The following CEP112 variants were observed in gnomAD, a reference collection of about 807,000 sequenced individuals.
CEP112 encodes the protein centrosomal protein of 112 kDa.
In CEP112, 127 loss-of-function variants were observed where a neutral mutation model predicts 153.0. The observed-to-expected ratio is 0.83, with a 90% confidence interval of 0.72 to 0.96. The LOEUF is 0.96. Ranked by LOEUF, CEP112 falls within the 40% of genes least tolerant of loss-of-function variation. CEP112 has a pLI of 0.00. For missense variants in CEP112, 1,089 were observed against 1,101.2 expected (o/e 0.99, Z 0.16); for synonymous variants, 358 against 374.4 (o/e 0.96, Z 0.51).
chr17:65,711,898 G>A (rs749907939), intron 23 of CEP112, among the ~76,000 whole-genome samples: 4 of 152,256 alleles, frequency 2.6e-5, no homozygotes, highest in South Asian at 2.1e-4. Flanking sequence ...TAACTCCCCC[G>A]ACACTTTGCC....
intron 23 of CEP112, among the ~76,000 whole-genome samples, chr17:65,701,689 C>T (rs939961840): frequency 6.6e-6 from 1 of 152,012 alleles, no homozygotes; most frequent in African/African-American, 2.4e-5. Context: ...GTGGCCTTAC[C>T]ATCATCTCAA....
intron 18 of CEP112, among the ~76,000 whole-genome samples, chr17:65,948,757 G>A (rs1301687858): frequency 6.6e-6 from 1 of 152,092 alleles, no homozygotes; most frequent in African/African-American, 2.4e-5. Context: ...CAAAGCGAAA[G>A]AAAGAGTGTG....
chr17:65,810,277 C>G (rs571323646), intron 21 of CEP112, among the ~76,000 whole-genome samples: 3 of 151,874 alleles, frequency 2.0e-5, no homozygotes, highest in African/African-American at 7.3e-5. Flanking sequence ...ATATATACCC[C>G]CCTCCCTATT....
chr17:65,907,808 C>A (rs1308354488), intron 19 of CEP112, among the ~76,000 whole-genome samples: 1 of 152,202 alleles, frequency 6.6e-6, no homozygotes, highest in Non-Finnish European at 1.5e-5. Flanking sequence ...ATCATCTGGA[C>A]TTTCCATTTG....
At chr17:65,777,913 C>T (rs1004653280) in intron 21 of CEP112, among the ~76,000 whole-genome samples, 1 of 152,172 alleles carries the variant, frequency 6.6e-6, no homozygotes, top group Non-Finnish European at 1.5e-5. Context: ...AAAACCATTA[C>T]TTTTTCTTCA....
At position 65,984,466 on chromosome 17, in the gene CEP112, A is replaced by G. The variant is rs145281128; in HGVS notation, c.1736+21224T>C. ...CAGGCCAAACTAAATATATATGCAG[A>G]TGACTCAACCTGCAGCCCAGGAATT... On this transcript the variant is annotated intron_variant, in intron 17 of 26. Transcript: ENST00000535342. Among the ~76,000 whole-genome samples, 866 of 152,346 alleles carry G rather than the reference A, an allele frequency of 5.7e-3. 4 individuals are homozygous for G. The highest frequency in any genetic ancestry group is 0.02 in the African/African-American group (814 of 41,580).
chr17:65,917,462 C>T (rs1299834699), intron 19 of CEP112, among the ~76,000 whole-genome samples: 1 of 145,230 alleles, frequency 6.9e-6, no homozygotes, highest in African/African-American at 2.5e-5. Flanking sequence ...GGTCATTTAC[C>T]ACATTACCTC....
chr17:66,103,360 G>C (rs978147612), intron 6 of CEP112, among the ~76,000 whole-genome samples: 6 of 151,842 alleles, frequency 4.0e-5, no homozygotes, highest in Non-Finnish European at 7.4e-5. Context: ...AAAAAGATAA[G>C]AAAAGGAAAA....
intron 21 of CEP112, among the ~76,000 whole-genome samples, chr17:65,848,280 C>T (rs912921921): frequency 2.0e-5 from 3 of 152,178 alleles, no homozygotes; most frequent in African/African-American, 7.2e-5. Flanking sequence ...TGTTTCTGGG[C>T]ACACAATCAT....
intron 19 of CEP112, among the ~76,000 whole-genome samples, chr17:65,905,876 C>T (rs548654273): frequency 6.6e-6 from 1 of 151,684 alleles, no homozygotes; most frequent in African/African-American, 2.4e-5. Context: ...ACCCGGGGGG[C>T]GGAGCTTGCA....
intron 4 of CEP112, among the ~76,000 whole-genome samples, chr17:66,152,787 T>G (rs748736723): frequency 6.6e-6 from 1 of 152,176 alleles, no homozygotes; most frequent in East Asian, 1.9e-4. Flanking sequence ...AGAATTGTTA[T>G]GAACTAGTGA....
chr17:65,943,782 C>A (rs141955796), intron 18 of CEP112, among the ~76,000 whole-genome samples: 2 of 152,138 alleles, frequency 1.3e-5, no homozygotes, highest in African/African-American at 2.4e-5. Context: ...GTAAGTTCTC[C>A]CGGATGATAT....
intron 4 of CEP112, among the ~76,000 whole-genome samples, chr17:66,174,515 T>C (rs544598786): frequency 6.6e-5 from 10 of 152,304 alleles, no homozygotes; most frequent in African/African-American, 2.2e-4. Flanking sequence ...AACAGAAAAG[T>C]AAAAATTTGA....
intron 24 of CEP112, among the ~76,000 whole-genome samples, chr17:65,642,518 CT>C (rs1366253717): frequency 2.0e-5 from 3 of 152,170 alleles, no homozygotes; most frequent in South Asian, 2.1e-4. Context: ...TGGCAAAGTG[CT>C]TTTTTTGGGA....
intron 6 of CEP112, among the ~76,000 whole-genome samples, chr17:66,099,575 A>G (rs1343806043): frequency 6.6e-6 from 1 of 152,022 alleles, no homozygotes; most frequent in East Asian, 1.9e-4. Context: ...CCATTTGTTA[A>G]AGAAGTTAAA....
intron 24 of CEP112, among the ~76,000 whole-genome samples, chr17:65,677,198 C>T (rs1598285597): frequency 6.6e-6 from 1 of 152,194 alleles, no homozygotes; most frequent in Middle Eastern, 3.2e-3. Flanking sequence ...ATCTCACATA[C>T]AAAACCTAAA....
At chr17:65,838,364 C>G (rs183080078) in intron 21 of CEP112, among the ~76,000 whole-genome samples, 44 of 152,184 alleles carry the variant, frequency 2.9e-4, no homozygotes, top group Non-Finnish European at 4.9e-4. Context: ...GGAAACTGTA[C>G]AAATCCATGG....
chr17:65,740,970 G>C (rs2051099429), intron 23 of CEP112, among the ~76,000 whole-genome samples: 1 of 152,118 alleles, frequency 6.6e-6, no homozygotes, highest in Non-Finnish European at 1.5e-5. Flanking sequence ...CATTTTCATG[G>C]ACAGAATGTA....
chr17:65,826,269 A>AT, intron 21 of CEP112: 1 of 1,613,988 alleles, frequency 6.2e-7, no homozygotes, highest in Non-Finnish European at 8.5e-7. Context: ...TCCTTGGCAG[A>AT]TGGATGGTCT....
Sources: gnomAD v4.1 joint callset for allele counts (sites outside exome capture counted in the v4.1 genomes callset) on GRCh38, gnomAD v4.1.1 for gene constraint, MANE v1.5 for transcripts, NCBI Gene and HGNC (gene_info 2026-07-23, HGNC 2026-07-21) for gene names.